NUDT17: variants seen among roughly 807,000 people sequenced by gnomAD.
The protein encoded by NUDT17 is nudix hydrolase 17.
NUDT17 carries 38 observed loss-of-function variants against 38.6 expected under a neutral mutation model. That is an observed-to-expected ratio of 0.98 (90% confidence interval 0.76 to 1.29). The LOEUF (loss-of-function observed/expected upper bound fraction) is 1.29. NUDT17 is among the 50% of genes most tolerant of loss of function. The probability of loss-of-function intolerance (pLI) is 0.00; values close to 1 mark genes in which losing one functional copy is unlikely to be tolerated. For synonymous variants in NUDT17, 192 were observed against 167.8 expected, an observed-to-expected ratio of 1.14 and a Z score of -1.11; for missense variants, 462 against 415.2, an observed-to-expected ratio of 1.11 and a Z score of -0.98.
Position 145,845,791 on chromosome 1 carries a change from A to G in NUDT17, c.151A>G (p.Ser51Gly). The change falls in exon 1 of 8, where the codon AGC (serine) becomes GGC (glycine). Residue 51 changes from serine to glycine, a missense_variant. Coordinates refer to ENST00000334513, the MANE Select transcript of NUDT17 (RefSeq NM_001012758.3). ...GAAGCGAGGACGGCTTGTCCTCTCGAGCAGGCCCTTCCCAGGCGCCTCCGC... is the reference window on the plus strand; with the variant it reads ...GAAGCGAGGACGGCTTGTCCTCTCGGGCAGGCCCTTCCCAGGCGCCTCCGC... ...SLKRGRLVLS[S>G]RPFPGASARL... is the part of the protein sequence containing the mutation. 6.3e-7 allele frequency: 1 copy of G among 1,596,730 alleles called. No homozygotes were observed. The highest frequency in any genetic ancestry group is 8.5e-7 in the Non-Finnish European group (1 of 1,172,700).
rs1553732160 is a variant in NUDT17 at position 145,845,809 on chromosome 1, G to A, written c.169G>A (p.Ala57Thr). Residue 57 changes from alanine to threonine, a missense_variant, in exon 1 of 8, where the codon GCC becomes ACC. Physicochemically the swap from Ala to Thr is moderately conservative, Grantham distance 58 (BLOSUM62 0). Transcript: ENST00000334513. ...CCTCTCGAGCAGGCCCTTCCCAGGCGCCTCCGCTAGGCTTCCGCTCCAGGT... is the reference window on the plus strand; with the variant it reads ...CCTCTCGAGCAGGCCCTTCCCAGGCACCTCCGCTAGGCTTCCGCTCCAGGT... ...LVLSSRPFPG[A>T]SARLPLQRPP... 6.3e-7 allele frequency: 1 copy of A among 1,597,114 alleles called. No individual in the cohort carries two copies. Among genetic ancestry groups the A allele is most frequent in the Non-Finnish European group, 8.5e-7 (1 of 1,172,734 alleles).
Position 145,846,116 on chromosome 1 carries a change from T to C in NUDT17, c.296T>C (p.Leu99Pro). Residue 99 changes from leucine (L) to proline (P), a missense_variant, in exon 2 of 8, where the codon CTG becomes CCG. Transcript: ENST00000334513. ...GTGGACCTGGGTGTGGCCGTCATTC[T>C]GCAGTCCAGCGACAAGACTGTCTTG... ...RGVDLGVAVILQSSDKTVLLT... is the reference protein window; with the variant it reads ...RGVDLGVAVIPQSSDKTVLLT... The C allele has an allele frequency of 6.2e-7, 1 of 1,602,006 alleles. No individual in the cohort carries two copies. The highest frequency in any genetic ancestry group is 8.5e-7 in the Non-Finnish European group (1 of 1,174,754).
rs2101674150 is a variant in NUDT17 at position 145,848,276 on chromosome 1, A to T, written c.884+12A>T. On this transcript the variant is annotated intron_variant, in intron 7 of 7. Transcript: ENST00000334513. ...CAACATCTGGGCAGGTAAAAGTGAA[A>T]AAGGACTGGAGAGCTCCACAGTACT... 2 of 1,614,168 alleles carry T rather than the reference A, an allele frequency of 1.2e-6. No individual in the cohort carries two copies. The highest frequency in any genetic ancestry group is 8.5e-7 in the Non-Finnish European group (1 of 1,179,994).
chr1:145,848,610 C>T lies in NUDT17; in HGVS notation c.*131C>T, dbSNP rs782785172. The T allele has an allele frequency of 1.8e-4, 125 of 691,920 alleles. No individual in the cohort carries two copies. The highest frequency in any genetic ancestry group is 2.7e-4 in the Non-Finnish European group (112 of 412,892). 42.9% of individuals were successfully genotyped at this position (691,920 alleles called of 1,614,324 possible). A position where few individuals can be genotyped will look rare whatever the true frequency, so the allele number is the denominator to read the frequency against. On this transcript the variant is annotated 3_prime_UTR_variant, in exon 8 of 8. Coordinates refer to ENST00000334513, the MANE Select transcript of NUDT17 (RefSeq NM_001012758.3). ...TTACAACATAGGTCCTAGGCCTTGGCGAGCCTGAAAAAGAAGATTGGGAAG... is the reference window on the plus strand; with the variant it reads ...TTACAACATAGGTCCTAGGCCTTGGTGAGCCTGAAAAAGAAGATTGGGAAG...
At chr1:145,847,793 C>T in intron 6 of NUDT17, 74 bp downstream of exon 6, 1 of 1,475,856 alleles carries the variant, frequency 6.8e-7, no homozygotes, top group Non-Finnish European at 9.4e-7. Context: ...TCTATCCTGT[C>T]CTCAGGATGG....
Position 145,848,755 on chromosome 1 carries a change from A to G in NUDT17, c.*276A>G, listed in dbSNP as rs782600148. ...AGAAACACTGTGAACTTAGATATAT[A>G]AATAGAGAGAGACCCAAGCAATAGG... On this transcript the variant is annotated 3_prime_UTR_variant, in exon 8 of 8. Transcript: ENST00000334513. 16 of 352,542 alleles carry G rather than the reference A, an allele frequency of 4.5e-5. No homozygotes were observed. The highest frequency in any genetic ancestry group is 8.9e-5 in the Admixed American group (2 of 22,472). 21.8% of individuals were successfully genotyped at this position (352,542 alleles called of 1,614,324 possible). A position where few individuals can be genotyped will look rare whatever the true frequency, so the allele number is the denominator to read the frequency against.
chr1:145,846,837 G>A (rs374730101), intron 4 of NUDT17, 147 bp downstream of exon 4: 13 of 678,142 alleles, frequency 1.9e-5, no homozygotes, highest in East Asian at 7.7e-5. Flanking sequence ...TACCATCCAC[G>A]CCCTCAGCTT....
rs587665172 is a variant in NUDT17 at position 145,847,102 on chromosome 1, G to C, written c.496-148G>C. ...CCAGCTACTCTGGAGGCTGAGGCTGGAGAATTGCTTGAACCCAGGAGGCAG... is the reference window on the plus strand; with the variant it reads ...CCAGCTACTCTGGAGGCTGAGGCTGCAGAATTGCTTGAACCCAGGAGGCAG... On this transcript the variant is annotated intron_variant, in intron 4 of 7. Transcript: ENST00000334513. 45 of 580,460 alleles carry C rather than the reference G, an allele frequency of 7.8e-5. No homozygotes were observed. The South Asian group carries it at 9.5e-4, about 12-fold the overall frequency. 36.0% of individuals were successfully genotyped at this position (580,460 alleles called of 1,614,324 possible).
In NUDT17 at chr1:145,848,510, A is replaced by G. The variant is rs781852041; in HGVS notation, c.*31A>G. 4 of 1,429,204 alleles carry G rather than the reference A, an allele frequency of 2.8e-6. No individual in the cohort carries two copies. The highest frequency in any genetic ancestry group is 2.0e-6 in the Non-Finnish European group (2 of 1,017,942). The allele number at this position is 1,429,204 out of a possible 1,614,324, so 88.5% of individuals were successfully genotyped here. A position where few individuals can be genotyped will look rare whatever the true frequency, so the allele number is the denominator to read the frequency against. On this transcript the variant is annotated 3_prime_UTR_variant, in exon 8 of 8. Transcript: ENST00000334513. The stretch of plus-strand genomic sequence containing the variant: ...AAAATCCCCTCCCTAGCCCATCTCC[A>G]TGACACTCACAGAACATTCACAACC...
chr1:145,845,631 G>T lies in NUDT17; in HGVS notation c.-10G>T. Reference sequence around the variant, plus strand: ...CGCCAGGCGGGCCGCAGCGACTCCAGAGTCGCGTTATGGCCGAGGTGCGGG... The same window carrying T: ...CGCCAGGCGGGCCGCAGCGACTCCATAGTCGCGTTATGGCCGAGGTGCGGG... On this transcript the variant is annotated 5_prime_UTR_variant, in exon 1 of 8. Coordinates refer to ENST00000334513, the MANE Select transcript of NUDT17 (RefSeq NM_001012758.3). 4.0e-6 allele frequency: 6 copies of T among 1,503,064 alleles called. No homozygotes were observed. The highest frequency in any genetic ancestry group is 5.4e-6 in the Non-Finnish European group (6 of 1,117,696). The allele number at this position is 1,503,064 out of a possible 1,614,324, so 93.1% of individuals were successfully genotyped here.
In NUDT17 at chr1:145,846,039, C is replaced by T; in HGVS notation, c.219C>T (p.Ala73=). 6.2e-7 allele frequency: 1 copy of T among 1,604,472 alleles called. No homozygotes were observed. The highest frequency in any genetic ancestry group is 2.2e-5 in the East Asian group (1 of 44,514). ...LQRPPFCPFA[A]LEERPRVPGA... is the part of the protein sequence containing the mutation. Reference sequence around the variant, plus strand: ...GACCCCCTTTCTGCCCTTTTGCGGCCCTGGAGGAGCGGCCCAGGGTCCCTG... The same window carrying T: ...GACCCCCTTTCTGCCCTTTTGCGGCTCTGGAGGAGCGGCCCAGGGTCCCTG... The change falls in exon 2 of 8, where the codon GCC becomes GCT. Residue 73 remains alanine (A), a synonymous_variant. Transcript: ENST00000334513.
chr1:145,846,208 G>A lies in NUDT17; in HGVS notation c.376+12G>A. 1 of 1,574,880 alleles carries A rather than the reference G, an allele frequency of 6.3e-7. No individual in the cohort carries two copies. The highest frequency in any genetic ancestry group is 8.6e-7 in the Non-Finnish European group (1 of 1,159,648). ...CTGGGTACCCCCGGGTGAGTATTCT[G>A]GGGACAAGGCCCCAAGTACAGAGAA... On this transcript the variant is annotated intron_variant, in intron 2 of 7. Transcript: ENST00000334513.
rs1388089305 is a variant in NUDT17 at position 145,848,207 on chromosome 1, A to G, written c.827A>G (p.Glu276Gly). The G allele has an allele frequency of 6.2e-7, 1 of 1,614,194 alleles. No individual in the cohort carries two copies. Among genetic ancestry groups the G allele is most frequent in the Admixed American group, 1.7e-5 (1 of 60,028 alleles). Residue 276 changes from glutamate (E) to glycine (G), a missense_variant, in exon 7 of 8, where the codon GAG becomes GGG. Coordinates refer to ENST00000334513, the MANE Select transcript of NUDT17 (RefSeq NM_001012758.3). ...RMIPTMAEDK[E>G]RVSTGTKFAL... ...ATCCCAACCATGGCAGAGGACAAAG[A>G]GAGAGTCAGCACTGGAACCAAGTTT...
At position 145,847,618 on chromosome 1, in the gene NUDT17, C is replaced by T. The variant is rs782347173; in HGVS notation, c.630C>T (p.Ala210=). 1 of 1,613,908 alleles carries T rather than the reference C, an allele frequency of 6.2e-7. No individual in the cohort carries two copies. Among genetic ancestry groups the T allele is most frequent in the Non-Finnish European group, 8.5e-7 (1 of 1,180,026 alleles). ...AACCAAACCCAAATGAGGTGAGCGC[C>T]CTTATGTGGCTGACACCAGATGTAG... is the stretch of plus-strand genomic sequence containing the variant. ...RIQPNPNEVS[A]LMWLTPDVAA... Residue 210 remains alanine, a synonymous_variant, in exon 6 of 8, where the codon GCC becomes GCT. Transcript: ENST00000334513.
chr1:145,846,153 G>A lies in NUDT17; in HGVS notation c.333G>A (p.Arg111=). 1 of 1,597,400 alleles carries A rather than the reference G, an allele frequency of 6.3e-7. No homozygotes were observed. The highest frequency in any genetic ancestry group is 1.3e-5 in the African/African-American group (1 of 74,748). Residue 111 remains arginine (R), a synonymous_variant, in exon 2 of 8, where the codon AGG becomes AGA. Transcript: ENST00000334513. ...ACAAGACTGTCTTGCTAACCCGAAG[G>A]GCACGCACCCTGAGCGTTTCCCCCA... The part of the protein sequence containing the change: ...SSDKTVLLTR[R]ARTLSVSPNL...
rs16827062 is a variant in NUDT17 at position 145,848,229 on chromosome 1, G to C, written c.849G>C (p.Lys283Asn). 3,921 of 1,614,188 alleles carry C rather than the reference G, an allele frequency of 2.4e-3. 15 individuals are homozygous for C. Among genetic ancestry groups the C allele is most frequent in the Middle Eastern group, 4.5e-3 (27 of 6,062 alleles). ...EDKERVSTGT[K>N]FALKLWLQHL... ...AAGAGAGAGTCAGCACTGGAACCAA[G>C]TTTGCCCTCAAGCTCTGGCTGCAAC... is the stretch of plus-strand genomic sequence containing the variant. Residue 283 changes from lysine (K) to asparagine (N), a missense_variant, in exon 7 of 8, where the codon AAG becomes AAC. Lys to Asn is a moderately conservative substitution (Grantham distance 94). Transcript: ENST00000334513.
At position 145,847,624 on chromosome 1, in the gene NUDT17, G is replaced by A; in HGVS notation, c.636G>A (p.Met212Ile). 3 of 1,614,050 alleles carry A rather than the reference G, an allele frequency of 1.9e-6. No individual in the cohort carries two copies. The highest frequency in any genetic ancestry group is 2.5e-6 in the Non-Finnish European group (3 of 1,180,020). ...QPNPNEVSAL[M>I]WLTPDVAAAV... is the part of the protein sequence containing the mutation. ...ACCCAAATGAGGTGAGCGCCCTTAT[G>A]TGGCTGACACCAGATGTAGCTGCTG... The change falls in exon 6 of 8, where the codon ATG becomes ATA. Residue 212 changes from methionine to isoleucine, a missense_variant. Physicochemically the swap from Met to Ile is conservative, Grantham distance 10. Coordinates refer to ENST00000334513, the MANE Select transcript of NUDT17 (RefSeq NM_001012758.3).
In NUDT17 at chr1:145,845,684, A is replaced by G; in HGVS notation, c.44A>G (p.Glu15Gly). The G allele has an allele frequency of 2.0e-6, 3 of 1,538,222 alleles. No individual in the cohort carries two copies. Among genetic ancestry groups the G allele is most frequent in the South Asian group, 1.2e-5 (1 of 83,836 alleles). The change falls in exon 1 of 8, where the codon GAG becomes GGG. Residue 15 changes from glutamate (E) to glycine (G), a missense_variant. Physicochemically the swap from Glu to Gly is moderately conservative, Grantham distance 98. Coordinates refer to ENST00000334513, the MANE Select transcript of NUDT17 (RefSeq NM_001012758.3). ...CAGCTGCTCCTGTCCCGGCGTCCGG[A>G]GTCGGTGAGCTTCGCACGGAGTGTG... ...RVQLLLSRRP[E>G]SVSFARSVCG...
At position 145,846,396 on chromosome 1, in the gene NUDT17, C is replaced by T. The variant is rs782536288; in HGVS notation, c.377-37C>T. On this transcript the variant is annotated intron_variant, in intron 2 of 7. Transcript: ENST00000334513. ...TGAGTGGGGGCTCCCTGGCCAAGACCACCACCATTCACCTACTGGCCCCAC... is the reference window on the plus strand; with the variant it reads ...TGAGTGGGGGCTCCCTGGCCAAGACTACCACCATTCACCTACTGGCCCCAC... 4 of 1,613,676 alleles carry T rather than the reference C, an allele frequency of 2.5e-6. No individual in the cohort carries two copies. The Admixed American group carries it at 6.7e-5, about 27-fold the overall frequency.
Sources: allele counts gnomAD v4.1 joint callset, GRCh38; gene constraint gnomAD v4.1.1; transcripts MANE v1.5; gene names NCBI Gene and HGNC (gene_info 2026-07-23, HGNC 2026-07-21).